MUC13: variants seen among roughly 807,000 people sequenced by gnomAD.
MUC13 encodes mucin-13.
MUC13 carries 32 observed loss-of-function variants against 48.3 expected under a neutral mutation model. That is an observed-to-expected ratio of 0.66 (90% CI 0.50 to 0.89). MUC13 has a LOEUF of 0.89. Ranked by LOEUF, MUC13 falls within the 40% of genes least tolerant of loss-of-function variation. MUC13 has a pLI of 0.00. For synonymous variants in MUC13, 199 were observed against 224.9 expected (o/e 0.88, Z 1.03); for missense variants, 571 against 622.8 (o/e 0.92, Z 0.88).
At chr3:124,934,409 C>A (rs1284978996) in intron 1 of MUC13, among the ~76,000 whole-genome samples, 1 of 152,210 alleles carries the variant, frequency 6.6e-6, no homozygotes, top group African/African-American at 2.4e-5. Context: ...ATCCATCTGC[C>A]TCGGCCTCCC....
intron 6 of MUC13, among the ~76,000 whole-genome samples, chr3:124,914,041 G>A (rs1410588461): frequency 1.3e-5 from 2 of 152,104 alleles, no homozygotes; most frequent in Non-Finnish European, 2.9e-5. Flanking sequence ...CAACTTGAGC[G>A]AGAGTGAGAC....
At chr3:124,924,704 G>T (rs1909583) in intron 2 of MUC13, among the ~76,000 whole-genome samples, 109,452 of 151,996 alleles carry the variant, frequency 0.72, 39,521 homozygotes, top group East Asian at 0.81. Context: ...GAAACTGGGG[G>T]TCTGGGTCCT....
At chr3:124,928,079 A>ATTT in intron 1 of MUC13, 86 bp from the exon 2 acceptor site, 1 of 884,112 alleles carries the variant, frequency 1.1e-6, no homozygotes, top group Non-Finnish European at 1.6e-6. Context: ...TATCCAACTC[A>ATTT]TTCTTTTTTT....
intron 5 of MUC13, among the ~76,000 whole-genome samples, chr3:124,919,004 TACTC>T (rs945178244): frequency 1.3e-5 from 2 of 150,062 alleles, no homozygotes; most frequent in Non-Finnish European, 2.9e-5. Context: ...TTTATACACA[TACTC>T]TCTCTCTCTC....
At chr3:124,922,974 T>C (rs1032995897) in intron 3 of MUC13, among the ~76,000 whole-genome samples, 1 of 151,996 alleles carries the variant, frequency 6.6e-6, no homozygotes, top group Non-Finnish European at 1.5e-5. Context: ...GTGAGATTAT[T>C]AGTGCTAAAA....
chr3:124,920,244 G>A lies in MUC13; in HGVS notation c.790C>T (p.Leu264Phe). The A allele has an allele frequency of 6.2e-7, 1 of 1,606,414 alleles. No homozygotes were observed. The highest frequency in any genetic ancestry group is 8.5e-7 in the Non-Finnish European group (1 of 1,175,578). The change falls in exon 5 of 12, where the codon CTT becomes TTT. Residue 264 changes from leucine (L) to phenylalanine (F), a missense_variant. Coordinates refer to ENST00000616727, the MANE Select transcript of MUC13 (RefSeq NM_033049.4). ...CCATAACAAACTTACCTTACAGTAA[G>A]AATTACAGTCTGTCCATAAACAGAT... ...GTSVYGQTVI[L>F]TVSTSLSPRS...
chr3:124,920,839 G>A (rs1364946409), intron 4 of MUC13, among the ~76,000 whole-genome samples: 5 of 152,212 alleles, frequency 3.3e-5, no homozygotes, highest in South Asian at 2.1e-4. Flanking sequence ...GAAAACATCC[G>A]TGCTGGCACA....
rs750868371 is a variant in MUC13 at position 124,928,000 on chromosome 3, G to A, written c.53-7C>T. 7 of 1,528,426 alleles carry A rather than the reference G, an allele frequency of 4.6e-6. No homozygotes were observed. The highest frequency in any genetic ancestry group is 6.1e-6 in the Non-Finnish European group (7 of 1,140,916). The allele number at this position is 1,528,426 out of a possible 1,614,324, so 94.7% of individuals were successfully genotyped here. On this transcript the variant is annotated splice_polypyrimidine_tract_variant and splice_region_variant and intron_variant, in intron 1 of 11. Transcript: ENST00000616727. ...GAGTTGCCTTGGTTGGTGGCTGGAG[G>A]AACAAAGATACCAAGTTTGAGGAGA... is the stretch of plus-strand genomic sequence containing the variant.
rs997781179 is a variant in MUC13, at chr3:124,934,660, C to T, written c.52+1G>A. ...AATTAAAATGTAAAAATATTCCTTA[C>T]CTGTGTTTACAGAAAGGAGAGCAAG... On this transcript the variant is annotated splice_donor_variant, in intron 1 of 11. Coordinates refer to ENST00000616727, the MANE Select transcript of MUC13 (RefSeq NM_033049.4). LOFTEE classifies it high-confidence loss of function. 27 of 1,600,910 alleles carry T rather than the reference C, an allele frequency of 1.7e-5. No individual in the cohort carries two copies. Among genetic ancestry groups the T allele is most frequent in the Non-Finnish European group, 2.1e-5 (25 of 1,168,376 alleles).
chr3:124,916,566 G>A lies in MUC13; in HGVS notation c.801-86C>T, dbSNP rs186392239. ...AATCTCCCAGACTCCCGAATCTCCC[G>A]GCCCTAGTCCTGACCCGCTGTCCTG... On this transcript the variant is annotated intron_variant, in intron 5 of 11. Transcript: ENST00000616727. The A allele has an allele frequency of 2.8e-5, 40 of 1,411,260 alleles. 1 individual carries two copies. Among genetic ancestry groups the A allele is most frequent in the Middle Eastern group, 2.0e-4 (1 of 4,942 alleles). The allele number at this position is 1,411,260 out of a possible 1,614,324, so 87.4% of individuals were successfully genotyped here. A position where few individuals can be genotyped will look rare whatever the true frequency, so the allele number is the denominator to read the frequency against.
At position 124,927,565 on chromosome 3, in the gene MUC13, C is replaced by T. The variant is rs755657247; in HGVS notation, c.481G>A (p.Ala161Thr). 13 of 1,614,006 alleles carry T rather than the reference C, an allele frequency of 8.1e-6. No individual in the cohort carries two copies. Among genetic ancestry groups the T allele is most frequent in the East Asian group, 4.5e-5 (2 of 44,896 alleles). ...TTTAGGGTGCTGGTCTCCAATAAAG[C>T]GGTGCCAGTGGGAGGCCCTGATGAT... ...NQSSGPPTGT[A>T]LLETSTLNST... The change falls in exon 2 of 12, where the codon GCT becomes ACT. Residue 161 changes from alanine (A) to threonine (T), a missense_variant. Coordinates refer to ENST00000616727, the MANE Select transcript of MUC13 (RefSeq NM_033049.4).
chr3:124,906,899 G>A (rs539038859), intron 11 of MUC13, among the ~76,000 whole-genome samples, 157 bp from the exon 12 acceptor site: 36 of 151,962 alleles, frequency 2.4e-4, no homozygotes, highest in African/African-American at 8.0e-4. Context: ...TTTCTCTCAC[G>A]TCTCTTCCAT....
At position 124,906,440 on chromosome 3, in the gene MUC13, T is replaced by C. The variant is rs1935321865; in HGVS notation, c.*303A>G. ...TCTTGTTGCCCTACCAGGAAAAGAA[T>C]TAAGAAAACAACCCTAACCATTGTC... is the stretch of plus-strand genomic sequence containing the variant. On this transcript the variant is annotated 3_prime_UTR_variant, in exon 12 of 12. Transcript: ENST00000616727. 1.3e-5 allele frequency: 2 copies of C among 152,216 alleles called. No individual in the cohort carries two copies. The highest frequency in any genetic ancestry group is 4.1e-4 in the South Asian group (2 of 4,834). 9.4% of individuals were successfully genotyped at this position (152,216 alleles called of 1,614,324 possible).
chr3:124,926,748 A>AT (rs1341781357), intron 2 of MUC13, among the ~76,000 whole-genome samples: 1 of 152,220 alleles, frequency 6.6e-6, no homozygotes. Context: ...TTCACGAGTC[A>AT]TATCTGACCA....
intron 3 of MUC13, among the ~76,000 whole-genome samples, chr3:124,922,851 G>A (rs901318462): frequency 7.9e-5 from 12 of 151,460 alleles, no homozygotes; most frequent in Non-Finnish European, 1.5e-5. Context: ...TTTTGTTATT[G>A]GACTTAGTGC....
intron 4 of MUC13, 35 bp downstream of exon 4, chr3:124,922,162 A>T: frequency 6.2e-7 from 1 of 1,611,852 alleles, no homozygotes; most frequent in Non-Finnish European, 8.5e-7. Context: ...AGAACAAAGA[A>T]TGCTTTACAG....
At chr3:124,927,492 C>G in intron 2 of MUC13, 40 bp downstream of exon 2, 2 of 1,584,882 alleles carry the variant, frequency 1.3e-6, no homozygotes, top group Non-Finnish European at 1.7e-6. Context: ...CACAATTGTA[C>G]TCTCCATCCT....
rs372331826 is a variant in MUC13, at chr3:124,927,807, G to A, written c.239C>T (p.Ser80Phe). 1.3e-5 allele frequency: 21 copies of A among 1,614,064 alleles called. No individual in the cohort carries two copies. The African/African-American group carries it at 2.3e-4, about 17-fold the overall frequency. ...APPIISTHSSSTIPTPAPPII... is the reference protein window; with the variant it reads ...APPIISTHSSFTIPTPAPPII... ...GGGGGGAGCAGGTGTAGGAATTGTG[G>A]AGGAACTATGTGTACTAATTATGGG... Residue 80 changes from serine to phenylalanine, a missense_variant, in exon 2 of 12, where the codon TCC (serine) becomes TTC (phenylalanine). Ser to Phe is a radical substitution (Grantham distance 155, BLOSUM62 -2). Transcript: ENST00000616727.
intron 1 of MUC13, among the ~76,000 whole-genome samples, chr3:124,929,613 C>T (rs1302461588): frequency 6.6e-6 from 1 of 152,162 alleles, no homozygotes; most frequent in African/African-American, 2.4e-5. Context: ...GTAAGAAATA[C>T]ATCAGCAACT....
Sources: allele counts gnomAD v4.1 joint callset (sites outside exome capture counted in the v4.1 genomes callset), GRCh38; gene constraint gnomAD v4.1.1; transcripts MANE v1.5; gene names NCBI Gene and HGNC (gene_info 2026-07-23, HGNC 2026-07-21).